MTSS1: variants seen among roughly 807,000 people sequenced by gnomAD.
The protein encoded by MTSS1 is protein MTSS 1.
In MTSS1, 18 loss-of-function variants were observed where a neutral mutation model predicts 79.0. That is an observed-to-expected ratio of 0.23 (90% confidence interval 0.16 to 0.34). The LOEUF is 0.34. Among genes scored for constraint, MTSS1 ranks in the 10% least tolerant of loss-of-function variants. The probability of loss-of-function intolerance (pLI) is 1.00; values close to 1 mark genes in which losing one functional copy is unlikely to be tolerated. For synonymous variants in MTSS1, 341 were observed against 368.6 expected (o/e 0.93, Z 0.86); for missense variants, 815 against 986.2 (o/e 0.83, Z 2.33).
rs773804180 is a variant in MTSS1, at chr8:124,553,516, C to T, written c.1744G>A (p.Val582Ile). Residue 582 changes from valine to isoleucine, a missense_variant, in exon 14 of 14, where the codon GTC (valine) becomes ATC (isoleucine). Val to Ile is a conservative substitution (Grantham distance 29). Transcript: ENST00000518547. The surrounding 1 kb of genome is among the most constrained non-coding windows in gnomAD (Gnocchi z 6.0). ...CGGATAGTTGCAACCCCTGGAGTGA[C>T]CATAGCAGGTCCCAGGGTGGTGGGG... ...GLPTTLGPAM[V>I]TPGVATIRRT... 7 of 1,613,872 alleles carry T rather than the reference C, an allele frequency of 4.3e-6. No individual in the cohort carries two copies. The highest frequency in any genetic ancestry group is 4.0e-5 in the African/African-American group (3 of 74,862).
intron 3 of MTSS1, among the ~76,000 whole-genome samples, chr8:124,663,577 G>T (rs1384802248): frequency 6.6e-6 from 1 of 151,938 alleles, no homozygotes; most frequent in African/African-American, 2.4e-5. Flanking sequence ...ACTCTTTAAA[G>T]CAATAGATTC....
intron 3 of MTSS1, among the ~76,000 whole-genome samples, chr8:124,644,080 T>C (rs1262234765): frequency 6.6e-6 from 1 of 152,174 alleles, no homozygotes; most frequent in Admixed American, 6.5e-5. Context: ...GGATTCCCTT[T>C]AGGCCCACGG....
chr8:124,694,752 G>C (rs187776194), intron 3 of MTSS1, among the ~76,000 whole-genome samples: 19 of 152,108 alleles, frequency 1.2e-4, no homozygotes, highest in African/African-American at 4.6e-4. Context: ...GCCACGTGCT[G>C]GTCCATTATG....
At chr8:124,652,794 C>CAAAAAA (rs773654376) in intron 3 of MTSS1, among the ~76,000 whole-genome samples, 1 of 74,490 alleles carries the variant, frequency 1.3e-5, no homozygotes, top group Non-Finnish European at 3.0e-5. Flanking sequence ...GACTCCGTCT[C>CAAAAAA]AAAAAAAAAA....
At chr8:124,640,541 T>G (rs567878613) in intron 3 of MTSS1, among the ~76,000 whole-genome samples, 1 of 152,250 alleles carries the variant, frequency 6.6e-6, no homozygotes, top group South Asian at 2.1e-4. Flanking sequence ...CTTCTAGATT[T>G]TTTTGTTTTG....
chr8:124,592,133 G>A (rs147862335), intron 3 of MTSS1, among the ~76,000 whole-genome samples: 144 of 152,218 alleles, frequency 9.5e-4, no homozygotes, highest in African/African-American at 3.3e-3. Flanking sequence ...CAGTCTTCAA[G>A]CTCAGCAAAT....
intron 3 of MTSS1, among the ~76,000 whole-genome samples, chr8:124,697,720 GTTC>G (rs1564015410): frequency 6.6e-6 from 1 of 152,142 alleles, no homozygotes; most frequent in African/African-American, 2.4e-5. Flanking sequence ...TGCATATTAA[GTTC>G]TTCTCTACGG....
Position 124,553,975 on chromosome 8 carries a change from C to T in MTSS1, c.1568-283G>A, listed in dbSNP as rs2131697583. ...GGAAGAAGGTAAAGCTGCTAGGCTG[C>T]AGCGAAGCTACCTGCAAGCGTCTCT... On this transcript the variant is annotated intron_variant, in intron 13 of 13. Transcript: ENST00000518547. The surrounding 1 kb of genome is among the most constrained non-coding windows in gnomAD (Gnocchi z 6.0). Among the ~76,000 whole-genome samples the T allele has an allele frequency of 6.6e-6, 1 of 152,304 alleles. No homozygotes were observed. Among genetic ancestry groups the T allele is most frequent in the Non-Finnish European group, 1.5e-5 (1 of 68,034 alleles).
At chr8:124,659,856 C>A (rs1281359009) in intron 3 of MTSS1, among the ~76,000 whole-genome samples, 1 of 152,184 alleles carries the variant, frequency 6.6e-6, no homozygotes, top group African/African-American at 2.4e-5. Context: ...GCTATCCCAA[C>A]CCAGAATTAG....
intron 9 of MTSS1, 66 bp from the exon 10 acceptor site, chr8:124,563,058 G>C: frequency 2.3e-6 from 3 of 1,315,206 alleles, no homozygotes; most frequent in Non-Finnish European, 3.2e-6. Context: ...AGTGGTAAGA[G>C]GAAGGAGGAA....
intron 1 of MTSS1, among the ~76,000 whole-genome samples, chr8:124,722,913 G>A (rs1270453347): frequency 2.6e-5 from 4 of 152,184 alleles, no homozygotes; most frequent in Non-Finnish European, 5.9e-5. Context: ...ACTACAGAAG[G>A]AATCTTGCCA....
chr8:124,557,008 A>G (rs1586771188), intron 11 of MTSS1, among the ~76,000 whole-genome samples: 1 of 152,250 alleles, frequency 6.6e-6, no homozygotes, highest in East Asian at 1.9e-4. Context: ...CTGGCAGCCA[A>G]GGGGCCTACT....
At chr8:124,710,319 G>A (rs2135573259) in intron 1 of MTSS1, among the ~76,000 whole-genome samples, 1 of 152,304 alleles carries the variant, frequency 6.6e-6, no homozygotes, top group African/African-American at 2.4e-5. Context: ...TCACATACCT[G>A]GCATCACTCT....
At chr8:124,603,395 G>A (rs377685518) in intron 3 of MTSS1, among the ~76,000 whole-genome samples, 1 of 152,220 alleles carries the variant, frequency 6.6e-6, no homozygotes, top group Non-Finnish European at 1.5e-5. Context: ...GCTTGCTGCT[G>A]TTTCTCTTGT....
chr8:124,603,457 C>T (rs552025782), intron 3 of MTSS1, among the ~76,000 whole-genome samples: 1 of 152,372 alleles, frequency 6.6e-6, no homozygotes, highest in South Asian at 2.1e-4. Context: ...AGGCAGCTGG[C>T]CCCTGCCAAA....
intron 3 of MTSS1, among the ~76,000 whole-genome samples, chr8:124,666,747 G>C (rs567428030): frequency 8.7e-4 from 133 of 152,260 alleles, no homozygotes; most frequent in African/African-American, 3.1e-3. Context: ...TCAGCGCAGA[G>C]TGAGCCCAGC....
chr8:124,722,233 G>A (rs1002393155), intron 1 of MTSS1, among the ~76,000 whole-genome samples: 2 of 152,078 alleles, frequency 1.3e-5, no homozygotes, highest in African/African-American at 2.4e-5. Context: ...TTGTTGGTGA[G>A]CCCATCCACT....
intron 3 of MTSS1, among the ~76,000 whole-genome samples, chr8:124,670,371 G>GGGCAGCACCCCACACAGCCT (rs1823904768): frequency 1.5e-5 from 2 of 137,502 alleles, no homozygotes; most frequent in African/African-American, 5.2e-5. Flanking sequence ...ACACTCAGGC[G>GGGCAGCACCCCACACAGCCT]GGCGGCACCC....
At chr8:124,711,021 G>C (rs1247469965) in intron 1 of MTSS1, among the ~76,000 whole-genome samples, 1 of 152,204 alleles carries the variant, frequency 6.6e-6, no homozygotes, top group Non-Finnish European at 1.5e-5. Context: ...ATCTGGCTGA[G>C]AAATCAAGCC....
Sources: allele counts gnomAD v4.1 joint callset (sites outside exome capture counted in the v4.1 genomes callset), GRCh38; gene constraint gnomAD v4.1.1; non-coding constraint Gnocchi (gnomAD v3.1); transcripts MANE v1.5; gene names NCBI Gene and HGNC (gene_info 2026-07-23, HGNC 2026-07-21).